Variants in ROBO1 observed in about 807,000 individuals in gnomAD.
ROBO1 encodes roundabout guidance receptor 1.
In ROBO1, 149 loss-of-function variants were observed where a neutral mutation model predicts 195.9. That is an observed-to-expected ratio of 0.76 (90% CI 0.67 to 0.87). ROBO1 has a LOEUF of 0.87. Among genes scored for constraint, ROBO1 ranks in the 40% least tolerant of loss-of-function variants. The pLI, the probability that ROBO1 is intolerant of heterozygous loss-of-function variation, is 0.00. For missense variants in ROBO1, 1,933 were observed against 2,068.3 expected (o/e 0.93, Z 1.27); for synonymous variants, 816 against 733.2 (o/e 1.11, Z -1.82).
At chr3:79,748,680 C>CT (rs893829833) in intron 1 of ROBO1, among the ~76,000 whole-genome samples, 11 of 151,994 alleles carry the variant, frequency 7.2e-5, no homozygotes, top group African/African-American at 2.2e-4. Context: ...GGGGATGGGT[C>CT]TTTTTTGTGC....
chr3:79,663,508 T>G (rs1030930717), intron 1 of ROBO1, among the ~76,000 whole-genome samples: 5 of 152,122 alleles, frequency 3.3e-5, no homozygotes, highest in Middle Eastern at 3.4e-3. Context: ...CCAATTCTAC[T>G]ACATGTTCAC....
chr3:79,258,511 T>C lies in ROBO1; in HGVS notation c.89-132972A>G, dbSNP rs560615777. Among the ~76,000 whole-genome samples the C allele has an allele frequency of 1.2e-4, 18 of 152,332 alleles. No homozygotes were observed. In the South Asian group the frequency reaches 3.7e-3, roughly 32 times the overall value. On this transcript the variant is annotated intron_variant, in intron 2 of 30. Transcript: ENST00000464233. The stretch of plus-strand genomic sequence containing the variant: ...ATATTGTAAATATTTCAGTTGGTTT[T>C]TGAATACCAAAGATCACAGTAGAAA...
At chr3:79,532,326 G>C (rs1033292978) in intron 2 of ROBO1, among the ~76,000 whole-genome samples, 2 of 151,752 alleles carry the variant, frequency 1.3e-5, no homozygotes, top group Non-Finnish European at 2.9e-5. Context: ...GAATCAATAG[G>C]AGAAAGAACT....
intron 2 of ROBO1, among the ~76,000 whole-genome samples, chr3:79,541,728 C>T (rs1459945432): frequency 6.6e-6 from 1 of 150,622 alleles, no homozygotes. Flanking sequence ...AAGATATAGG[C>T]CATCAACTTA....
At chr3:79,310,989 G>A (rs2033459006) in intron 2 of ROBO1, among the ~76,000 whole-genome samples, 1 of 152,138 alleles carries the variant, frequency 6.6e-6, no homozygotes, top group Non-Finnish European at 1.5e-5. Flanking sequence ...GAAACCTACA[G>A]ATGAAAATAT....
intron 2 of ROBO1, among the ~76,000 whole-genome samples, chr3:79,394,467 T>A: frequency 6.6e-6 from 1 of 152,020 alleles, no homozygotes; most frequent in East Asian, 1.9e-4. Flanking sequence ...TTCTGAATTA[T>A]ATATATTTAT....
chr3:78,915,154 C>G (rs995602464), intron 4 of ROBO1, among the ~76,000 whole-genome samples: 2 of 152,166 alleles, frequency 1.3e-5, no homozygotes, highest in Admixed American at 6.5e-5. Flanking sequence ...AGCCTTTGTA[C>G]TCTGGGATCC....
chr3:78,669,585 C>T (rs1452885823), intron 11 of ROBO1, among the ~76,000 whole-genome samples: 1 of 152,180 alleles, frequency 6.6e-6, no homozygotes, highest in East Asian at 1.9e-4. Context: ...TTCCTACAGA[C>T]CTGTGGGCTT....
chr3:79,686,073 C>A (rs1245949010), intron 1 of ROBO1, among the ~76,000 whole-genome samples: 7 of 152,086 alleles, frequency 4.6e-5, no homozygotes, highest in South Asian at 2.1e-4. Context: ...TCAACATATG[C>A]AAATCAATAA....
chr3:79,052,804 T>C (rs556636690), intron 3 of ROBO1, among the ~76,000 whole-genome samples: 1 of 152,222 alleles, frequency 6.6e-6, no homozygotes, highest in South Asian at 2.1e-4. Flanking sequence ...CAATTCCCTT[T>C]GGTAGGTGTG....
At chr3:78,857,218 G>T (rs2034502123) in intron 4 of ROBO1, among the ~76,000 whole-genome samples, 3 of 152,116 alleles carry the variant, frequency 2.0e-5, no homozygotes. Flanking sequence ...GTAAAGTACT[G>T]AAAATGTCTA....
At chr3:79,444,111 C>T (rs1289932890) in intron 2 of ROBO1, among the ~76,000 whole-genome samples, 1 of 151,860 alleles carries the variant, frequency 6.6e-6, no homozygotes, top group African/African-American at 2.4e-5. Flanking sequence ...TTAGAACAAA[C>T]CTCACAGTTA....
At chr3:79,029,410 C>T (rs1342140640) in intron 3 of ROBO1, among the ~76,000 whole-genome samples, 6 of 152,086 alleles carry the variant, frequency 3.9e-5, no homozygotes, top group East Asian at 1.9e-4. Context: ...GAAAACCCAT[C>T]TGTCTTAAAT....
intron 4 of ROBO1, among the ~76,000 whole-genome samples, chr3:78,802,544 C>G (rs2084400287): frequency 6.6e-6 from 1 of 152,072 alleles, no homozygotes; most frequent in Non-Finnish European, 1.5e-5. Context: ...GGCCATTAAA[C>G]TAGTACAAAA....
At chr3:79,125,061 A>C in intron 3 of ROBO1, among the ~76,000 whole-genome samples, 1 of 138,292 alleles carries the variant, frequency 7.2e-6, no homozygotes, top group South Asian at 2.2e-4. Flanking sequence ...CTACAAGTGT[A>C]AAAAAAAAAA....
At chr3:79,452,481 G>A (rs1292783561) in intron 2 of ROBO1, among the ~76,000 whole-genome samples, 1 of 151,940 alleles carries the variant, frequency 6.6e-6, no homozygotes, top group Non-Finnish European at 1.5e-5. Context: ...TTTCAGTTTT[G>A]CATATTTCAT....
chr3:79,004,137 A>G (rs1311646276), intron 3 of ROBO1, among the ~76,000 whole-genome samples: 1 of 152,174 alleles, frequency 6.6e-6, no homozygotes, highest in African/African-American at 2.4e-5. Flanking sequence ...GCCCCCATTT[A>G]TAAATTACTT....
intron 1 of ROBO1, among the ~76,000 whole-genome samples, chr3:79,747,257 T>C (rs1703917925): frequency 6.6e-6 from 1 of 152,030 alleles, no homozygotes; most frequent in Non-Finnish European, 1.5e-5. Context: ...ATTTTGAAAA[T>C]ATGTTTGTTT....
At chr3:79,147,046 G>C (rs949258481) in intron 2 of ROBO1, among the ~76,000 whole-genome samples, 1 of 151,894 alleles carries the variant, frequency 6.6e-6, no homozygotes, top group Admixed American at 6.6e-5. Flanking sequence ...GTGTAAAAGC[G>C]TCTCTGATCT....
Sources: allele counts gnomAD v4.1 joint callset (sites outside exome capture counted in the v4.1 genomes callset), GRCh38; gene constraint gnomAD v4.1.1; transcripts MANE v1.5; gene names NCBI Gene and HGNC (gene_info 2026-07-23, HGNC 2026-07-21).